PYGL: variants seen among roughly 807,000 people sequenced by gnomAD.
The protein encoded by PYGL is glycogen phosphorylase, liver form.
In PYGL, 90 loss-of-function variants were observed where a neutral mutation model predicts 100.1. The observed-to-expected ratio is 0.90, with a 90% CI of 0.76 to 1.07. The LOEUF (loss-of-function observed/expected upper bound fraction) is 1.07. Among genes scored for constraint, PYGL ranks in the 50% least tolerant of loss-of-function variants. The probability of loss-of-function intolerance (pLI) is 0.00; values close to 1 mark genes in which losing one functional copy is unlikely to be tolerated. For synonymous variants in PYGL, 373 were observed against 393.0 expected (o/e 0.95, Z 0.60); for missense variants, 1,016 against 1,057.6 (o/e 0.96, Z 0.55).
intron 1 of PYGL, among the ~76,000 whole-genome samples, chr14:50,940,770 T>C (rs1250094989): frequency 1.3e-5 from 2 of 152,250 alleles, no homozygotes; most frequent in Non-Finnish European, 2.9e-5. Flanking sequence ...TTCAAAAGGC[T>C]TGTAAAATAA....
Position 50,931,745 on chromosome 14 carries a change from T to G in PYGL, c.456A>C (p.Gly152=). 1 of 1,613,892 alleles carries G rather than the reference T, an allele frequency of 6.2e-7. No individual in the cohort carries two copies. The highest frequency in any genetic ancestry group is 8.5e-7 in the Non-Finnish European group (1 of 1,179,918). ...GAATGCCGTATCCATAGGCTGCAAGTCCCAGGGTTGCCATGGAATCCAAGA... is the reference window on the plus strand; with the variant it reads ...GAATGCCGTATCCATAGGCTGCAAGGCCCAGGGTTGCCATGGAATCCAAGA... ...ACFLDSMATL[G]LAAYGYGIRY... Residue 152 remains glycine, a synonymous_variant, in exon 4 of 20, where the codon GGA becomes GGC. Transcript: ENST00000216392.
At chr14:50,940,683 A>AC (rs2050695173) in intron 1 of PYGL, among the ~76,000 whole-genome samples, 1 of 152,254 alleles carries the variant, frequency 6.6e-6, no homozygotes, top group East Asian at 1.9e-4. Flanking sequence ...AGTAAAATAT[A>AC]TGAGCATCTC....
chr14:50,928,015 TGAGCTGTCA>T (rs1410776361), intron 4 of PYGL, among the ~76,000 whole-genome samples: 1 of 152,126 alleles, frequency 6.6e-6, no homozygotes, highest in Non-Finnish European at 1.5e-5. Context: ...TACATCCAAG[TGAGCTGTCA>T]GAGCTGTTTC....
intron 5 of PYGL, among the ~76,000 whole-genome samples, chr14:50,922,997 C>G (rs1424831462): frequency 6.6e-6 from 1 of 152,250 alleles, no homozygotes; most frequent in Non-Finnish European, 1.5e-5. Flanking sequence ...CACATCTGGA[C>G]TCATGCTCTG....
intron 4 of PYGL, among the ~76,000 whole-genome samples, chr14:50,928,845 G>A (rs1014728209): frequency 6.6e-6 from 1 of 152,112 alleles, no homozygotes; most frequent in Non-Finnish European, 1.5e-5. Context: ...TTTCTTGACA[G>A]ATGCATTTTG....
At chr14:50,913,162 T>C (rs750525719) in intron 12 of PYGL, 32 bp from the exon 13 acceptor site, 1 of 1,597,510 alleles carries the variant, frequency 6.3e-7, no homozygotes, top group Non-Finnish European at 8.6e-7. Context: ...TGACTTCAAT[T>C]TGGGGATGGT....
intron 19 of PYGL, among the ~76,000 whole-genome samples, chr14:50,907,544 A>G (rs1404530043): frequency 6.6e-6 from 1 of 152,152 alleles, no homozygotes; most frequent in Non-Finnish European, 1.5e-5. Context: ...TCGATGTTCA[A>G]ACAGGCTCCT....
At chr14:50,940,126 T>A (rs1049116108) in intron 1 of PYGL, among the ~76,000 whole-genome samples, 2 of 152,220 alleles carry the variant, frequency 1.3e-5, no homozygotes, top group African/African-American at 4.8e-5. Flanking sequence ...GGGGCAGACA[T>A]AGGCAATGGC....
chr14:50,930,998 T>C (rs1398661726), intron 4 of PYGL, among the ~76,000 whole-genome samples: 2 of 152,194 alleles, frequency 1.3e-5, no homozygotes, highest in African/African-American at 4.8e-5. Flanking sequence ...TTGGATAGAT[T>C]TGTACAAATT....
chr14:50,944,021 G>A, intron 1 of PYGL, 140 bp downstream of exon 1: 1 of 1,194,188 alleles, frequency 8.4e-7, no homozygotes, highest in South Asian at 1.4e-5. Flanking sequence ...CCACAGCCTA[G>A]ACACGTCTCC....
chr14:50,938,719 T>G (rs1039923366), intron 1 of PYGL, among the ~76,000 whole-genome samples: 1 of 152,164 alleles, frequency 6.6e-6, no homozygotes, highest in Admixed American at 6.5e-5. Context: ...ATTCAGTATT[T>G]TTTACCCCCG....
chr14:50,917,915 A>G (rs749624649), intron 7 of PYGL, among the ~76,000 whole-genome samples: 2 of 152,246 alleles, frequency 1.3e-5, no homozygotes, highest in Non-Finnish European at 2.9e-5. Context: ...GTAGAATTAA[A>G]AACTGTAACT....
At chr14:50,921,194 C>T (rs2050497842) in intron 5 of PYGL, 127 bp from the exon 6 acceptor site, 3 of 735,820 alleles carry the variant, frequency 4.1e-6, no homozygotes, top group East Asian at 2.7e-5. Context: ...TTGTGTGAGG[C>T]CTAAATGGAG....
chr14:50,935,359 G>A (rs1266712251), intron 2 of PYGL, among the ~76,000 whole-genome samples, 174 bp from the exon 3 acceptor site: 1 of 152,204 alleles, frequency 6.6e-6, no homozygotes, highest in Non-Finnish European at 1.5e-5. Context: ...GAGGCAAACT[G>A]TATGAGATGG....
In PYGL at chr14:50,931,094, AT is replaced by A. The variant is rs566631692; in HGVS notation, c.528+578del. ...TAACAACACTGTCTGATTTCATCTT[AT>A]AAAAAAATCAGGACACTTGGTTTGT... On this transcript the variant is annotated intron_variant, in intron 4 of 19. Coordinates refer to ENST00000216392, the MANE Select transcript of PYGL (RefSeq NM_002863.5). 1.4e-3 allele frequency among the ~76,000 whole-genome samples: 219 copies of A among 152,338 alleles called. 2 individuals carry two copies. Among genetic ancestry groups the A allele is most frequent in the African/African-American group, 4.9e-3 (203 of 41,580 alleles).
At chr14:50,931,853 T>A (rs1596048098) in intron 3 of PYGL, 77 bp from the exon 4 acceptor site, 1 of 1,143,224 alleles carries the variant, frequency 8.7e-7, no homozygotes, top group Admixed American at 1.7e-5. Context: ...CTAAAACACA[T>A]GGCAGCCACA....
intron 4 of PYGL, among the ~76,000 whole-genome samples, chr14:50,929,584 T>G (rs2050585253): frequency 6.6e-6 from 1 of 152,344 alleles, no homozygotes; most frequent in African/African-American, 2.4e-5. Context: ...TTTTCTGAGT[T>G]TCTTTTAAAT....
intron 2 of PYGL, 87 bp from the exon 3 acceptor site, chr14:50,935,272 G>T: frequency 9.2e-7 from 1 of 1,092,786 alleles, no homozygotes. Flanking sequence ...TCTGGGTAAA[G>T]GTATTCAGGT....
chr14:50,915,215 AAAATACTTTT>A, intron 11 of PYGL, 111 bp downstream of exon 11: 1 of 1,263,258 alleles, frequency 7.9e-7, no homozygotes, highest in South Asian at 1.3e-5. Flanking sequence ...TGTATAGAAG[AAAATACTTTT>A]AAACATTTGA....
Sources: allele counts gnomAD v4.1 joint callset (sites outside exome capture counted in the v4.1 genomes callset), GRCh38; gene constraint gnomAD v4.1.1; transcripts MANE v1.5; gene names NCBI Gene and HGNC (gene_info 2026-07-23, HGNC 2026-07-21).